The following BABAM2 variants were observed in gnomAD, a reference collection of about 807,000 sequenced individuals.
The protein encoded by BABAM2 is BRISC and BRCA1-A complex member 2.
BABAM2 carries 31 observed loss-of-function variants against 54.7 expected under a neutral mutation model. That is an observed-to-expected ratio of 0.57 (90% CI 0.43 to 0.77). The LOEUF is 0.77. Among genes scored for constraint, BABAM2 ranks in the 30% least tolerant of loss-of-function variants. The pLI, the probability that BABAM2 is intolerant of heterozygous loss-of-function variation, is 0.00. For missense variants in BABAM2, 364 were observed against 455.8 expected, an observed-to-expected ratio of 0.80 and a Z score of 1.83; for synonymous variants, 167 against 162.9, an observed-to-expected ratio of 1.03 and a Z score of -0.19.
intron 11 of BABAM2, among the ~76,000 whole-genome samples, chr2:28,312,635 C>T (rs1457041703): frequency 6.6e-6 from 1 of 152,204 alleles, no homozygotes; most frequent in African/African-American, 2.4e-5. Flanking sequence ...CTCTACTCCA[C>T]TGTCCTGCAA....
At chr2:28,130,406 T>G (rs542427725) in intron 7 of BABAM2, among the ~76,000 whole-genome samples, 1 of 152,158 alleles carries the variant, frequency 6.6e-6, no homozygotes, top group Non-Finnish European at 1.5e-5. Context: ...TTTATATATC[T>G]GACACAGCAC....
At chr2:28,068,268 C>A (rs1219584064) in intron 6 of BABAM2, among the ~76,000 whole-genome samples, 1 of 152,122 alleles carries the variant, frequency 6.6e-6, no homozygotes, top group Admixed American at 6.5e-5. Context: ...TCTTCTTATG[C>A]AATATTTACA....
intron 3 of BABAM2, 140 bp downstream of exon 3, chr2:27,930,048 G>A (rs1667981956): frequency 7.0e-6 from 5 of 715,484 alleles, no homozygotes; most frequent in South Asian, 3.9e-5. Context: ...TTTCTTATCT[G>A]CCATTCAATT....
At chr2:27,914,960 G>A (rs1024493457) in intron 2 of BABAM2, among the ~76,000 whole-genome samples, 1 of 152,038 alleles carries the variant, frequency 6.6e-6, no homozygotes, top group Non-Finnish European at 1.5e-5. Flanking sequence ...GCTCTGTCTA[G>A]TCTCTGCTTG....
chr2:28,030,166 ATG>A (rs959030731), intron 5 of BABAM2, among the ~76,000 whole-genome samples: 1 of 152,168 alleles, frequency 6.6e-6, no homozygotes, highest in Non-Finnish European at 1.5e-5. Context: ...AATTTTCAAA[ATG>A]TTATTCAGTG....
chr2:27,889,857 G>C (rs1664676485), upstream of BABAM2: 1 of 178,806 alleles, frequency 5.6e-6, no homozygotes, highest in African/African-American at 2.4e-5. Flanking sequence ...ACTTCATTTA[G>C]TCCTCACAAC....
Position 27,902,924 on chromosome 2 carries a change from TGAGA to T in BABAM2, c.128+8259_128+8262del, listed in dbSNP as rs1167717410. Among the ~76,000 whole-genome samples the T allele has an allele frequency of 3.9e-3, 587 of 150,074 alleles. 6 individuals are homozygous for T. The highest frequency in any genetic ancestry group is 0.012 in the African/African-American group (508 of 40,834). ...GTGTGTTTGTGTGTGTGTGTGTGTGTGAGAGAGAGAGAGAGAGAGAGAAAGAGAG... is the reference window on the plus strand; with the variant it reads ...GTGTGTTTGTGTGTGTGTGTGTGTGTGAGAGAGAGAGAGAGAGAAAGAGAG... On this transcript the variant is annotated intron_variant, in intron 2 of 11. Transcript: ENST00000379624.
intron 7 of BABAM2, among the ~76,000 whole-genome samples, chr2:28,151,055 A>G (rs958181164): frequency 6.6e-6 from 1 of 152,186 alleles, no homozygotes; most frequent in African/African-American, 2.4e-5. Context: ...ATGGTTATCG[A>G]TAGTAGTTAA....
rs148834237 is a variant in BABAM2 at position 28,223,814 on chromosome 2, C to T, written c.681-13388C>T. ...CAGTCAGGTAGTCTGTCCTTTTAGTCCATATCAGAACCAGCTATGAGCTTT... is the reference window on the plus strand; with the variant it reads ...CAGTCAGGTAGTCTGTCCTTTTAGTTCATATCAGAACCAGCTATGAGCTTT... On this transcript the variant is annotated intron_variant, in intron 7 of 11. Coordinates refer to ENST00000379624, the MANE Select transcript of BABAM2 (RefSeq NM_199191.3). Among the ~76,000 whole-genome samples the T allele has an allele frequency of 6.7e-3, 1,023 of 152,284 alleles. 13 individuals are homozygous for T. Among genetic ancestry groups the T allele is most frequent in the South Asian group, 0.049 (235 of 4,820 alleles).
intron 8 of BABAM2, among the ~76,000 whole-genome samples, chr2:28,240,647 A>T (rs1682324475): frequency 6.6e-6 from 1 of 152,116 alleles, no homozygotes; most frequent in Non-Finnish European, 1.5e-5. Flanking sequence ...AGGCAGGCTG[A>T]TCATCTGAAG....
intron 10 of BABAM2, among the ~76,000 whole-genome samples, chr2:28,277,132 G>A (rs1160110150): frequency 2.6e-5 from 4 of 152,188 alleles, no homozygotes; most frequent in Non-Finnish European, 5.9e-5. Flanking sequence ...TTTAGACAGA[G>A]TCTGGCTCCA....
chr2:28,043,057 T>C (rs954210361), intron 5 of BABAM2, among the ~76,000 whole-genome samples: 1 of 150,570 alleles, frequency 6.6e-6, no homozygotes, highest in South Asian at 2.1e-4. Context: ...TATATGCTGA[T>C]GAAAGTGATT....
chr2:28,258,883 TCTC>T, intron 10 of BABAM2, among the ~76,000 whole-genome samples: 1 of 151,716 alleles, frequency 6.6e-6, no homozygotes, highest in Non-Finnish European at 1.5e-5. Context: ...TTCAAGCAGT[TCTC>T]CTGCCTCAGC....
chr2:27,920,589 G>A (rs1366010493), intron 2 of BABAM2, among the ~76,000 whole-genome samples: 2 of 152,118 alleles, frequency 1.3e-5, no homozygotes, highest in Non-Finnish European at 1.5e-5. Flanking sequence ...TTATTTGAGA[G>A]TCACTTGTTA....
intron 6 of BABAM2, among the ~76,000 whole-genome samples, chr2:28,063,404 A>G (rs1205986458): frequency 6.6e-6 from 1 of 152,262 alleles, no homozygotes; most frequent in Admixed American, 6.5e-5. Context: ...TACTCAAAAT[A>G]TCATTTCAAC....
chr2:28,116,828 C>T (rs2148740841), intron 6 of BABAM2, among the ~76,000 whole-genome samples: 1 of 152,286 alleles, frequency 6.6e-6, no homozygotes, highest in South Asian at 2.1e-4. Flanking sequence ...TTTGCTTCTC[C>T]AAATACCCAC....
At chr2:28,185,058 T>G (rs977760881) in intron 7 of BABAM2, among the ~76,000 whole-genome samples, 5 of 152,228 alleles carry the variant, frequency 3.3e-5, no homozygotes, top group African/African-American at 1.2e-4. Context: ...TAAGGCTATT[T>G]AAACTATGGT....
rs75283074 is a variant in BABAM2, at chr2:28,281,344, G to A, written c.935-16994G>A. ...ACAAAGCTTACTGAATTGGTGTGAT[G>A]TGATTGGTATTTAGGATTAACCAAA... On this transcript the variant is annotated intron_variant, in intron 10 of 11. Transcript: ENST00000379624. 7.1e-3 allele frequency among the ~76,000 whole-genome samples: 1,087 copies of A among 152,336 alleles called. 9 individuals carry two copies. The highest frequency in any genetic ancestry group is 0.025 in the African/African-American group (1,030 of 41,584).
chr2:28,226,031 C>T (rs1423961193), intron 7 of BABAM2, among the ~76,000 whole-genome samples: 2 of 152,142 alleles, frequency 1.3e-5, no homozygotes, highest in Non-Finnish European at 2.9e-5. Flanking sequence ...ATGACTTTTA[C>T]ATTTTTTAAA....
Sources: gnomAD v4.1 joint callset for allele counts (sites outside exome capture counted in the v4.1 genomes callset) on GRCh38, gnomAD v4.1.1 for gene constraint, MANE v1.5 for transcripts, NCBI Gene and HGNC (gene_info 2026-07-23, HGNC 2026-07-21) for gene names.